GAB4: variants seen among roughly 807,000 people sequenced by gnomAD.
GAB4 encodes GRB2-associated-binding protein 4.
Under a neutral mutation model 51.3 loss-of-function variants are expected in GAB4, and 26 were observed. The ratio of observed to expected loss-of-function variants is 0.51; its 90% CI spans 0.37 to 0.70. The LOEUF (loss-of-function observed/expected upper bound fraction) is 0.70. Among genes scored for constraint, GAB4 ranks in the 30% least tolerant of loss-of-function variants. The probability of loss-of-function intolerance (pLI) is 0.00; values close to 1 mark genes in which losing one functional copy is unlikely to be tolerated. For missense variants in GAB4, 759 were observed against 734.6 expected, an observed-to-expected ratio of 1.03 and a Z score of -0.38; for synonymous variants, 329 against 291.2, an observed-to-expected ratio of 1.13 and a Z score of -1.32.
intron 3 of GAB4, among the ~76,000 whole-genome samples, chr22:16,983,083 C>T (rs1408980187): frequency 6.6e-6 from 1 of 152,172 alleles, no homozygotes; most frequent in Non-Finnish European, 1.5e-5. Context: ...AACATGTTTC[C>T]ATTATCTCAA....
rs1456268972 is a variant in GAB4 at position 16,988,170 on chromosome 22, G to A, written c.479-3C>T. 6.2e-7 allele frequency: 1 copy of A among 1,607,152 alleles called. No individual in the cohort carries two copies. Among genetic ancestry groups the A allele is most frequent in the African/African-American group, 1.3e-5 (1 of 74,834 alleles). ...TGAGGAAATGTTTCCCAGGAAGCCT[G>A]TGAATGAAACAGGAAGGAAGGGCAT... On this transcript the variant is annotated splice_polypyrimidine_tract_variant and splice_region_variant and intron_variant, in intron 2 of 9. Transcript: ENST00000400588.
At chr22:16,990,423 A>G (rs1324491891) in intron 2 of GAB4, among the ~76,000 whole-genome samples, 2 of 152,198 alleles carry the variant, frequency 1.3e-5, no homozygotes, top group Non-Finnish European at 2.9e-5. Flanking sequence ...CAAAGGATGT[A>G]GTATAGTAAG....
Position 16,970,073 on chromosome 22 carries a change from G to C in GAB4, c.807C>G (p.Gly269=). 6.2e-7 allele frequency: 1 copy of C among 1,614,204 alleles called. No homozygotes were observed. The highest frequency in any genetic ancestry group is 8.5e-7 in the Non-Finnish European group (1 of 1,180,040). The change falls in exon 4 of 10, where the codon GGC becomes GGG. Residue 269 remains glycine (G), a synonymous_variant. Transcript: ENST00000400588. Reference sequence around the variant, plus strand: ...GGCTGGGCTTGGAAAGGCTATGGAAGCCATGGATGTGACCGCTGACCCCAT... The same window carrying C: ...GGCTGGGCTTGGAAAGGCTATGGAACCCATGGATGTGACCGCTGACCCCAT... The part of the protein sequence containing the change: ...SVDGVSGHIH[G]FHSLSKPSQH...
intron 6 of GAB4, 97 bp from the exon 7 acceptor site, chr22:16,965,365 C>CGTCCACCCA (rs2060664128): frequency 3.4e-6 from 3 of 888,566 alleles, no homozygotes; most frequent in Non-Finnish European, 5.5e-6. Flanking sequence ...AGGCCCACCC[C>CGTCCACCCA]GTCCACCCAG....
chr22:16,969,802 C>A, intron 4 of GAB4, 141 bp downstream of exon 4: 1 of 1,053,170 alleles, frequency 9.5e-7, no homozygotes, highest in Non-Finnish European at 1.4e-6. Flanking sequence ...ACCACCATGG[C>A]ATAGAGGTTC....
rs754984849 is a variant in GAB4, at chr22:16,988,077, T to C, written c.569A>G (p.Gln190Arg). Reference sequence around the variant, plus strand: ...CACCGGGGGCTCAGATGTGGGTTCTTGTTCTTGGGGGAGGTGCTGATGGGA... The same window carrying C: ...CACCGGGGGCTCAGATGTGGGTTCTCGTTCTTGGGGGAGGTGCTGATGGGA... Reference protein sequence around the residue: ...SCSHQHLPQEQEPTSEPPVSH... With the variant: ...SCSHQHLPQEREPTSEPPVSH... Residue 190 changes from glutamine (Q) to arginine (R), a missense_variant, in exon 3 of 10, where the codon CAA (glutamine) becomes CGA (arginine). Gln to Arg is a conservative substitution (Grantham distance 43). Coordinates refer to ENST00000400588, the MANE Select transcript of GAB4 (RefSeq NM_001037814.1). The C allele has an allele frequency of 1.7e-5, 27 of 1,608,362 alleles. No homozygotes were observed. Among genetic ancestry groups the C allele is most frequent in the Non-Finnish European group, 2.2e-5 (26 of 1,177,514 alleles).
chr22:16,973,871 GTC>G (rs1456552254), intron 3 of GAB4, among the ~76,000 whole-genome samples: 1 of 152,200 alleles, frequency 6.6e-6, no homozygotes, highest in Non-Finnish European at 1.5e-5. Flanking sequence ...CTGGGTCTGT[GTC>G]TCTCTACTCC....
At chr22:16,984,046 A>G (rs2123690175) in intron 3 of GAB4, among the ~76,000 whole-genome samples, 1 of 152,320 alleles carries the variant, frequency 6.6e-6, no homozygotes, top group East Asian at 1.9e-4. Flanking sequence ...AGTATTTTCA[A>G]ACTATTCATC....
intron 3 of GAB4, among the ~76,000 whole-genome samples, chr22:16,971,471 G>A (rs1052705254): frequency 2.0e-5 from 3 of 152,230 alleles, no homozygotes; most frequent in African/African-American, 4.8e-5. Context: ...ATTGCAGGAT[G>A]TAGTTCTGAG....
chr22:16,971,560 A>G (rs2060732410), intron 3 of GAB4, among the ~76,000 whole-genome samples: 1 of 152,170 alleles, frequency 6.6e-6, no homozygotes, highest in African/African-American at 2.4e-5. Flanking sequence ...AAAAAGTAAG[A>G]CTGGATCCTT....
chr22:16,962,852 C>A lies in GAB4; in HGVS notation c.1606G>T (p.Gly536Cys), dbSNP rs781357923. 2 of 1,612,996 alleles carry A rather than the reference C, an allele frequency of 1.2e-6. No homozygotes were observed. Among genetic ancestry groups the A allele is most frequent in the African/African-American group, 2.7e-5 (2 of 74,904 alleles). Residue 536 changes from glycine to cysteine, a missense_variant, in exon 10 of 10, where the codon GGC becomes TGC. Coordinates refer to ENST00000400588, the MANE Select transcript of GAB4 (RefSeq NM_001037814.1). ...ACCTGGACATAGTCCACCTTCTTGC[C>A]GGACGTGACAGAGCCTATGGATGGC... ...SKPSIGSVTSGKKVDYVQVDL... is the reference protein window; with the variant it reads ...SKPSIGSVTSCKKVDYVQVDL...
In GAB4 at chr22:16,962,861, C is replaced by T. The variant is rs376254655; in HGVS notation, c.1597G>A (p.Val533Ile). The T allele has an allele frequency of 1.5e-5, 24 of 1,612,956 alleles. No homozygotes were observed. The highest frequency in any genetic ancestry group is 1.7e-6 in the Non-Finnish European group (2 of 1,179,504). The change falls in exon 10 of 10, where the codon GTC becomes ATC. Residue 533 changes from valine (V) to isoleucine (I), a missense_variant. Val to Ile is a conservative substitution (Grantham distance 29). This residue lies in a region of GAB4 where 588 missense variants were observed against 510.2 expected (regional missense o/e 1.15). Coordinates refer to ENST00000400588, the MANE Select transcript of GAB4 (RefSeq NM_001037814.1). Reference sequence around the variant, plus strand: ...TAGTCCACCTTCTTGCCGGACGTGACAGAGCCTATGGATGGCTGAGGGACA... The same window carrying T: ...TAGTCCACCTTCTTGCCGGACGTGATAGAGCCTATGGATGGCTGAGGGACA... ...FQPSKPSIGS[V>I]TSGKKVDYVQ...
At chr22:16,966,036 C>T (rs1601245270) in intron 6 of GAB4, 64 bp downstream of exon 6, 2 of 1,494,372 alleles carry the variant, frequency 1.3e-6, no homozygotes, top group East Asian at 4.5e-5. Flanking sequence ...CAGGATCCAC[C>T]TGACACCTAA....
Position 16,991,958 on chromosome 22 carries a change from G to A in GAB4, c.393C>T (p.Tyr131=), listed in dbSNP as rs757550930. ...FDIKTSERTF[Y]LVAETREDMN... ...TGTCCTCCCTGGTCTCAGCCACCAGGTAAAAGGTACGCTCACTGGTCTTGA... is the reference window on the plus strand; with the variant it reads ...TGTCCTCCCTGGTCTCAGCCACCAGATAAAAGGTACGCTCACTGGTCTTGA... Residue 131 remains tyrosine, a synonymous_variant, in exon 2 of 10, where the codon TAC becomes TAT. Transcript: ENST00000400588. 5 of 1,613,950 alleles carry A rather than the reference G, an allele frequency of 3.1e-6. No individual in the cohort carries two copies. The highest frequency in any genetic ancestry group is 2.2e-5 in the South Asian group (2 of 91,074).
At chr22:16,973,466 T>C (rs1029514513) in intron 3 of GAB4, among the ~76,000 whole-genome samples, 3 of 152,182 alleles carry the variant, frequency 2.0e-5, no homozygotes, top group African/African-American at 7.2e-5. Context: ...CACTTTCTTA[T>C]GTCCCAACAT....
intron 6 of GAB4, among the ~76,000 whole-genome samples, chr22:16,965,784 G>A (rs559688385): frequency 2.0e-5 from 3 of 152,256 alleles, no homozygotes; most frequent in African/African-American, 7.2e-5. Context: ...CCCGTGCTGG[G>A]CCAAGGCCAC....
chr22:16,999,101 C>A (rs2060974663), intron 1 of GAB4, among the ~76,000 whole-genome samples: 1 of 152,134 alleles, frequency 6.6e-6, no homozygotes, highest in Non-Finnish European at 1.5e-5. Flanking sequence ...CTAAAATTCT[C>A]TTTTTTTGTT....
chr22:16,984,765 G>A (rs761460493), intron 3 of GAB4, among the ~76,000 whole-genome samples: 32 of 152,330 alleles, frequency 2.1e-4, no homozygotes, highest in Non-Finnish European at 3.7e-4. Context: ...GTAGCTCAAG[G>A]TGAGCATAAG....
rs567237679 is a variant in GAB4, at chr22:17,001,932, G to A, written c.174+6009C>T. Reference sequence around the variant, plus strand: ...TCAGACTGCTGTGCTAGCAGTGAGCGAGACTCCATGGGCATGGGACCCCCC... The same window carrying A: ...TCAGACTGCTGTGCTAGCAGTGAGCAAGACTCCATGGGCATGGGACCCCCC... On this transcript the variant is annotated intron_variant, in intron 1 of 9. Coordinates refer to ENST00000400588, the MANE Select transcript of GAB4 (RefSeq NM_001037814.1). Among the ~76,000 whole-genome samples, 112 of 152,290 alleles carry A rather than the reference G, an allele frequency of 7.4e-4. 2 individuals are homozygous for A. In the Middle Eastern group the frequency reaches 0.014, roughly 18 times the overall value.
Sources: allele counts gnomAD v4.1 joint callset (sites outside exome capture counted in the v4.1 genomes callset), GRCh38; gene constraint gnomAD v4.1.1; regional missense constraint gnomAD v4.1.1; transcripts MANE v1.5; gene names NCBI Gene and HGNC (gene_info 2026-07-23, HGNC 2026-07-21).